Variants in RBMS3 observed in about 807,000 individuals in gnomAD.
RBMS3 encodes RNA-binding motif, single-stranded-interacting protein 3.
Under a neutral mutation model 66.8 loss-of-function variants are expected in RBMS3, and 27 were observed. That is an observed-to-expected ratio of 0.40 (90% CI 0.30 to 0.56). RBMS3 has a LOEUF of 0.56. Among genes scored for constraint, RBMS3 ranks in the 20% least tolerant of loss-of-function variants. The pLI, the probability that RBMS3 is intolerant of heterozygous loss-of-function variation, is 0.40. For synonymous variants in RBMS3, 188 were observed against 183.0 expected (o/e 1.03, Z -0.22); for missense variants, 513 against 549.5 (o/e 0.93, Z 0.66).
At chr3:29,373,216 A>C (rs1431835284) in intron 1 of RBMS3, among the ~76,000 whole-genome samples, 1 of 152,168 alleles carries the variant, frequency 6.6e-6, no homozygotes, top group Admixed American at 6.5e-5. Context: ...ATTTGCTTCC[A>C]GAACCCACTG....
chr3:29,655,945 C>CA (rs57111170), intron 4 of RBMS3, among the ~76,000 whole-genome samples: 47,874 of 140,316 alleles, frequency 0.34, 8,114 homozygotes, highest in Non-Finnish European at 0.42. Flanking sequence ...GCTTAAAAAG[C>CA]AAAAAAAAAA....
rs191370092 is a variant in RBMS3, at chr3:29,705,871, G to A, written c.400-33849G>A. ...CCATACAGTTGATGTCACTATTCACGTAACAAACTGTGGTAATATCAGGTT... is the reference window on the plus strand; with the variant it reads ...CCATACAGTTGATGTCACTATTCACATAACAAACTGTGGTAATATCAGGTT... On this transcript the variant is annotated intron_variant, in intron 4 of 14. Coordinates refer to ENST00000383767, the MANE Select transcript of RBMS3 (RefSeq NM_001003793.3). 5.3e-5 allele frequency among the ~76,000 whole-genome samples: 8 copies of A among 152,270 alleles called. No individual in the cohort carries two copies. In the East Asian group the frequency reaches 7.7e-4, roughly 15 times the overall value.
At chr3:29,482,095 T>C (rs2043147354) in intron 2 of RBMS3, among the ~76,000 whole-genome samples, 1 of 152,168 alleles carries the variant, frequency 6.6e-6, no homozygotes, top group African/African-American at 2.4e-5. Flanking sequence ...TCTATATTAG[T>C]TGGCCAAATA....
rs6549965 is a variant in RBMS3, at chr3:30,004,700, G to T, written c.*838G>T. Reference sequence around the variant, plus strand: ...AAACATTTTACAGTAAAGTTATTAAGGTTGGTTTAAAAACAACTGCATTAG... The same window carrying T: ...AAACATTTTACAGTAAAGTTATTAATGTTGGTTTAAAAACAACTGCATTAG... On this transcript the variant is annotated 3_prime_UTR_variant, in exon 15 of 15. Transcript: ENST00000383767. 31,281 of 151,982 alleles carry T rather than the reference G, an allele frequency of 0.21. 3,333 individuals are homozygous for T. The highest frequency in any genetic ancestry group is 0.36 in the East Asian group (1,859 of 5,126). The allele number at this position is 151,982 out of a possible 1,614,324, so 9.4% of individuals were successfully genotyped here. A position where few individuals can be genotyped will look rare whatever the true frequency, so the allele number is the denominator to read the frequency against.
intron 6 of RBMS3, among the ~76,000 whole-genome samples, chr3:29,820,161 C>G (rs2058035070): frequency 9.4e-6 from 1 of 105,900 alleles, no homozygotes; most frequent in Admixed American, 1.4e-4. Context: ...TGCACTGCAG[C>G]CTGGGTAACA....
intron 4 of RBMS3, among the ~76,000 whole-genome samples, chr3:29,631,869 T>C (rs146536529): frequency 7.6e-4 from 116 of 151,948 alleles, no homozygotes; most frequent in Admixed American, 2.7e-3. Flanking sequence ...TCTGGGTGGA[T>C]GGTAAGCAAG....
intron 3 of RBMS3, among the ~76,000 whole-genome samples, chr3:29,561,627 A>G (rs2046558998): frequency 6.6e-6 from 1 of 152,008 alleles, no homozygotes; most frequent in East Asian, 1.9e-4. Flanking sequence ...TAATTTTTGT[A>G]TTTTTAGTAG....
intron 2 of RBMS3, among the ~76,000 whole-genome samples, chr3:29,448,810 A>G (rs1437652911): frequency 6.6e-6 from 1 of 152,194 alleles, no homozygotes; most frequent in East Asian, 1.9e-4. Context: ...CAATGAGGTA[A>G]CCTTATATTC....
chr3:29,899,834 T>C, intron 10 of RBMS3, 79 bp downstream of exon 10: 1 of 1,408,726 alleles, frequency 7.1e-7, no homozygotes, highest in South Asian at 1.2e-5. Flanking sequence ...AGCTTTGGGG[T>C]AAAGCTTTTG....
chr3:29,603,348 A>G (rs537196801), intron 4 of RBMS3, among the ~76,000 whole-genome samples: 3 of 152,056 alleles, frequency 2.0e-5, no homozygotes, highest in African/African-American at 7.2e-5. Context: ...CTTTCTTTTT[A>G]ATTGAGTAGG....
intron 2 of RBMS3, among the ~76,000 whole-genome samples, chr3:29,461,070 A>T (rs1480914255): frequency 6.6e-6 from 1 of 152,126 alleles, no homozygotes; most frequent in Non-Finnish European, 1.5e-5. Flanking sequence ...TAGTTCACAA[A>T]TTTTACTCAC....
intron 3 of RBMS3, among the ~76,000 whole-genome samples, chr3:29,493,945 G>T (rs1220415446): frequency 1.3e-5 from 2 of 152,178 alleles, no homozygotes; most frequent in African/African-American, 4.8e-5. Context: ...ACACAAATTG[G>T]ATTTGGTCTT....
chr3:29,585,023 A>T (rs1235055985), intron 3 of RBMS3, among the ~76,000 whole-genome samples: 1 of 152,162 alleles, frequency 6.6e-6, no homozygotes, highest in Non-Finnish European at 1.5e-5. Context: ...GTAATTATAT[A>T]TTCATTTGTA....
chr3:29,497,972 C>CTT (rs1559412873), intron 3 of RBMS3, among the ~76,000 whole-genome samples: 3 of 42,320 alleles, frequency 7.1e-5, no homozygotes, highest in African/African-American at 9.5e-5. Context: ...TAAAAGTATT[C>CTT]ATTTTTTTTT....
chr3:29,427,915 A>C (rs1051195923), intron 1 of RBMS3, among the ~76,000 whole-genome samples: 12 of 152,176 alleles, frequency 7.9e-5, no homozygotes, highest in Non-Finnish European at 1.5e-4. Context: ...TGCATGCAAA[A>C]AATATTTAAA....
At chr3:29,534,210 A>G (rs2045468038) in intron 3 of RBMS3, among the ~76,000 whole-genome samples, 1 of 152,228 alleles carries the variant, frequency 6.6e-6, no homozygotes, top group African/African-American at 2.4e-5. Flanking sequence ...GACAAAGGTC[A>G]CGTTGCAGCA....
intron 3 of RBMS3, among the ~76,000 whole-genome samples, chr3:29,578,790 CTTTTTT>C (rs1185861167): frequency 5.9e-5 from 6 of 101,064 alleles, no homozygotes; most frequent in African/African-American, 2.7e-4. Flanking sequence ...ATACATGCTT[CTTTTTT>C]TTTTTTTTTT....
intron 12 of RBMS3, 149 bp from the exon 13 acceptor site, chr3:29,987,994 A>C (rs1698546504): frequency 3.3e-6 from 2 of 614,160 alleles, no homozygotes; most frequent in South Asian, 4.0e-5. Context: ...TACAGAGAGG[A>C]GCTGCCTTAT....
Position 30,009,446 on chromosome 3 carries a change from GTCTTT to G in RBMS3, c.*5589_*5593del, listed in dbSNP as rs1387070808. The G allele has an allele frequency of 2.0e-4, 30 of 152,174 alleles. No homozygotes were observed. Among genetic ancestry groups the G allele is most frequent in the South Asian group, 1.5e-3 (7 of 4,824 alleles). The allele number at this position is 152,174 out of a possible 1,614,324, so 9.4% of individuals were successfully genotyped here. On this transcript the variant is annotated 3_prime_UTR_variant, in exon 15 of 15. Coordinates refer to ENST00000383767, the MANE Select transcript of RBMS3 (RefSeq NM_001003793.3). ...GTCATAAATTTTGATTATCTATAAT[GTCTTT>G]TCTTATCTACCACAAATAATTGAGA...
Sources: gnomAD v4.1 joint callset for allele counts (sites outside exome capture counted in the v4.1 genomes callset) on GRCh38, gnomAD v4.1.1 for gene constraint, MANE v1.5 for transcripts, NCBI Gene and HGNC (gene_info 2026-07-23, HGNC 2026-07-21) for gene names.